PKD1L1: variants seen among roughly 807,000 people sequenced by gnomAD.
The protein encoded by PKD1L1 is polycystin-1-like protein 1.
Under a neutral mutation model 323.4 loss-of-function variants are expected in PKD1L1, and 236 were observed. That is an observed-to-expected ratio of 0.73 (90% CI 0.66 to 0.81). PKD1L1 has a LOEUF of 0.81. PKD1L1 is among the 40% of genes least tolerant of loss of function. The probability of loss-of-function intolerance (pLI) is 0.00; values close to 1 mark genes in which losing one functional copy is unlikely to be tolerated. For synonymous variants in PKD1L1, 1,344 were observed against 1,335.0 expected (o/e 1.01, Z -0.15); for missense variants, 3,320 against 3,508.0 (o/e 0.95, Z 1.35).
chr7:47,883,145 C>T (rs1786601593), intron 19 of PKD1L1, among the ~76,000 whole-genome samples: 1 of 152,194 alleles, frequency 6.6e-6, no homozygotes, highest in Non-Finnish European at 1.5e-5. Context: ...AACAGATCTG[C>T]GTGTGTACTG....
chr7:47,880,286 T>TATATATA (rs1264486018), intron 21 of PKD1L1, among the ~76,000 whole-genome samples: 41 of 75,546 alleles, frequency 5.4e-4, no homozygotes, highest in Non-Finnish European at 1.9e-4. Flanking sequence ...ATATATATAT[T>TATATATA]TTTTTTTTTT....
intron 44 of PKD1L1, 89 bp from the exon 45 acceptor site, chr7:47,827,557 A>C: frequency 8.1e-6 from 9 of 1,110,130 alleles, no homozygotes; most frequent in African/African-American, 1.5e-5. Context: ...GGAATGTGTC[A>C]TTGCTGTGCT....
intron 55 of PKD1L1, among the ~76,000 whole-genome samples, chr7:47,795,697 T>C (rs1370204144): frequency 6.6e-6 from 1 of 152,200 alleles, no homozygotes; most frequent in African/African-American, 2.4e-5. Flanking sequence ...GAATACAGCA[T>C]GTCTGTGTCC....
chr7:47,847,168 C>T, intron 31 of PKD1L1, 97 bp from the exon 32 acceptor site: 2 of 900,480 alleles, frequency 2.2e-6, no homozygotes, highest in African/African-American at 1.7e-5. Context: ...TAGGTGGGGA[C>T]AAGGACTACA....
At position 47,800,698 on chromosome 7, in the gene PKD1L1, C is replaced by A. The variant is rs758295516; in HGVS notation, c.8144G>T (p.Cys2715Phe). 1.9e-5 allele frequency: 30 copies of A among 1,614,086 alleles called. No homozygotes were observed. Among genetic ancestry groups the A allele is most frequent in the Non-Finnish European group, 2.5e-5 (30 of 1,180,052 alleles). The change falls in exon 54 of 57, where the codon TGT (cysteine) becomes TTT (phenylalanine). Residue 2715 changes from cysteine (C) to phenylalanine (F), a missense_variant. By Grantham distance (205) the Cys-to-Phe change is radical. Coordinates refer to ENST00000289672, the MANE Select transcript of PKD1L1 (RefSeq NM_138295.5). ...GACTATTAAAAGGATCCCAAAGTAA[C>A]AAGCCATGGCCCGCTGGTCAGACTT... ...LSKSDQRAMA[C>F]YFGILLIVSA...
At chr7:47,815,246 G>A in intron 47 of PKD1L1, 88 bp downstream of exon 47, 2 of 1,514,806 alleles carry the variant, frequency 1.3e-6, no homozygotes, top group Non-Finnish European at 1.8e-6. Flanking sequence ...CCTATGCAGT[G>A]CTGCAGTTCA....
chr7:47,803,119 G>T, intron 53 of PKD1L1, 91 bp downstream of exon 53: 1 of 1,509,676 alleles, frequency 6.6e-7, no homozygotes, highest in Non-Finnish European at 9.1e-7. Flanking sequence ...TTAACCTTGA[G>T]AGCAGTTTGT....
In PKD1L1 at chr7:47,839,552, C is replaced by T; in HGVS notation, c.5663G>A (p.Gly1888Glu). 1 of 1,609,102 alleles carries T rather than the reference C, an allele frequency of 6.2e-7. No individual in the cohort carries two copies. The highest frequency in any genetic ancestry group is 8.5e-7 in the Non-Finnish European group (1 of 1,178,220). The change falls in exon 36 of 57, where the codon GGA (glycine) becomes GAA (glutamate). Residue 1888 changes from glycine (G) to glutamate (E), a missense_variant. Transcript: ENST00000289672. This position sits in a 1 kb window ranked among gnomAD's most constrained non-coding sequence, Gnocchi z 4.3. ...CTGGGCAGGGAAGAACCAGCCCTGT[C>T]CCGTGTGCAGCTCCTTCACCATCAC... is the stretch of plus-strand genomic sequence containing the variant. ...SHVMVKELHT[G>E]QGWFFPAQCW...
At chr7:47,797,664 A>G (rs1385366236) in intron 54 of PKD1L1, among the ~76,000 whole-genome samples, 12 of 152,164 alleles carry the variant, frequency 7.9e-5, no homozygotes, top group African/African-American at 2.7e-4. Context: ...CCTTTTCAAC[A>G]TAATGCCCAC....
chr7:47,781,655 C>T lies in PKD1L1; in HGVS notation c.8527-6489G>A, dbSNP rs186015491. Among the ~76,000 whole-genome samples, 279 of 151,914 alleles carry T rather than the reference C, an allele frequency of 1.8e-3. 5 individuals carry two copies. Among genetic ancestry groups the T allele is most frequent in the African/African-American group, 6.5e-3 (270 of 41,428 alleles). On this transcript the variant is annotated intron_variant, in intron 56 of 56. Coordinates refer to ENST00000289672, the MANE Select transcript of PKD1L1 (RefSeq NM_138295.5). ...CGATTTCCTGACGTAGTGATCCGCC[C>T]GCCTCAGCCTCCCAAAGTGCTGGGA...
upstream of PKD1L1, among the ~76,000 whole-genome samples, chr7:47,949,499 C>G (rs570806022): frequency 4.6e-5 from 7 of 151,802 alleles, no homozygotes; most frequent in Non-Finnish European, 1.0e-4. Flanking sequence ...CTCTGTCTTA[C>G]GGCAGAACCT....
chr7:47,783,791 G>A (rs547835969), intron 56 of PKD1L1, among the ~76,000 whole-genome samples: 1 of 152,296 alleles, frequency 6.6e-6, no homozygotes, highest in Non-Finnish European at 1.5e-5. Context: ...GACTACAAGA[G>A]AATAAATTTC....
chr7:47,949,716 T>C (rs190614266), upstream of PKD1L1, among the ~76,000 whole-genome samples: 1 of 152,312 alleles, frequency 6.6e-6, no homozygotes, highest in East Asian at 1.9e-4. Context: ...TTCTCTCCAC[T>C]CTGAAGAGAG....
chr7:47,791,924 C>T (rs569792458), intron 56 of PKD1L1, among the ~76,000 whole-genome samples: 2 of 152,302 alleles, frequency 1.3e-5, no homozygotes, highest in African/African-American at 4.8e-5. Context: ...GTACCTGGCA[C>T]ATGGTGTGTC....
At chr7:47,911,707 A>G (rs1787325034) in intron 8 of PKD1L1, among the ~76,000 whole-genome samples, 1 of 152,190 alleles carries the variant, frequency 6.6e-6, no homozygotes, top group Admixed American at 6.5e-5. Context: ...AGACGCAAAA[A>G]CTGCTAAAAG....
chr7:47,923,673 TA>T (rs1217452503), intron 7 of PKD1L1, among the ~76,000 whole-genome samples: 1 of 151,110 alleles, frequency 6.6e-6, no homozygotes, highest in East Asian at 1.9e-4. Flanking sequence ...AAATAAATAA[TA>T]AAAATAAATA....
At chr7:47,809,246 G>T in intron 51 of PKD1L1, 1 of 410,846 alleles carries the variant, frequency 2.4e-6, no homozygotes. Context: ...AAGATCTTAT[G>T]GGACCACCAC....
At chr7:47,888,671 C>T (rs1444730428) in intron 16 of PKD1L1, among the ~76,000 whole-genome samples, 3 of 152,220 alleles carry the variant, frequency 2.0e-5, no homozygotes, top group Admixed American at 6.5e-5. Context: ...CTGCCTCGGC[C>T]CCGCCTCTTC....
In PKD1L1 at chr7:47,812,718, C is replaced by T. The variant is rs115391716; in HGVS notation, c.7346+403G>A. Among the ~76,000 whole-genome samples, 848 of 152,236 alleles carry T rather than the reference C, an allele frequency of 5.6e-3. 7 individuals are homozygous for T. Among genetic ancestry groups the T allele is most frequent in the African/African-American group, 0.019 (800 of 41,550 alleles). On this transcript the variant is annotated intron_variant, in intron 49 of 56. Coordinates refer to ENST00000289672, the MANE Select transcript of PKD1L1 (RefSeq NM_138295.5). Reference sequence around the variant, plus strand: ...CTGCAACATGGGGTCGTGCTTGTTACGCACTTGAACCTCCACCCCTCACCC... The same window carrying T: ...CTGCAACATGGGGTCGTGCTTGTTATGCACTTGAACCTCCACCCCTCACCC...
Sources: gnomAD v4.1 joint callset for allele counts (sites outside exome capture counted in the v4.1 genomes callset) on GRCh38, gnomAD v4.1.1 for gene constraint, Gnocchi (gnomAD v3.1) non-coding constraint, MANE v1.5 for transcripts, NCBI Gene and HGNC (gene_info 2026-07-23, HGNC 2026-07-21) for gene names.